Variants in CLASP2 observed in about 807,000 individuals in gnomAD.
CLASP2 encodes cytoplasmic linker associated protein 2.
A neutral mutation model predicts 194.4 loss-of-function variants in CLASP2; 47 were observed. The observed-to-expected ratio is 0.24, with a 90% CI of 0.19 to 0.31. CLASP2 has a LOEUF of 0.31. CLASP2 is among the 10% of genes least tolerant of loss of function. The pLI is 1.00. For synonymous variants in CLASP2, 619 were observed against 633.5 expected (o/e 0.98, Z 0.34); for missense variants, 1,445 against 1,823.6 (o/e 0.79, Z 3.78).
At chr3:33,629,625 G>A (rs2078692121) in intron 9 of CLASP2, among the ~76,000 whole-genome samples, 1 of 152,116 alleles carries the variant, frequency 6.6e-6, no homozygotes, top group South Asian at 2.1e-4. Context: ...ATATCAGATT[G>A]TTGAGGGTTC....
chr3:33,663,291 T>C (rs1347055302), intron 7 of CLASP2, among the ~76,000 whole-genome samples, 154 bp downstream of exon 7: 1 of 151,754 alleles, frequency 6.6e-6, no homozygotes, highest in Non-Finnish European at 1.5e-5. Context: ...GGATAGATAA[T>C]TATCAGCAGG....
chr3:33,563,447 C>T (rs1201151859), intron 27 of CLASP2, among the ~76,000 whole-genome samples: 1 of 152,152 alleles, frequency 6.6e-6, no homozygotes, highest in Non-Finnish European at 1.5e-5. Flanking sequence ...ACTAAAGGCA[C>T]CAAGCATTTC....
intron 34 of CLASP2, 49 bp downstream of exon 34, chr3:33,535,184 A>G (rs754032799): frequency 6.3e-5 from 82 of 1,303,892 alleles, no homozygotes; most frequent in Non-Finnish European, 8.2e-5. Context: ...TACTTCATCA[A>G]TTACCAAGTT....
intron 31 of CLASP2, among the ~76,000 whole-genome samples, chr3:33,544,152 A>T (rs1440206142): frequency 6.6e-6 from 1 of 152,120 alleles, no homozygotes; most frequent in Non-Finnish European, 1.5e-5. Flanking sequence ...ACCAGTAAAA[A>T]ATATATATAT....
At chr3:33,647,715 T>C (rs904826941) in intron 7 of CLASP2, among the ~76,000 whole-genome samples, 4 of 152,166 alleles carry the variant, frequency 2.6e-5, no homozygotes, top group African/African-American at 9.7e-5. Flanking sequence ...AGTTTGCCAA[T>C]CTCTGCTCTA....
chr3:33,667,636 G>A (rs1484326043), intron 6 of CLASP2, among the ~76,000 whole-genome samples: 1 of 152,054 alleles, frequency 6.6e-6, no homozygotes, highest in Non-Finnish European at 1.5e-5. Context: ...ACATTTGGTT[G>A]TATGATCCAT....
At chr3:33,584,279 T>C (rs1200556132) in intron 22 of CLASP2, among the ~76,000 whole-genome samples, 2 of 148,066 alleles carry the variant, frequency 1.4e-5, no homozygotes, top group African/African-American at 5.1e-5. Flanking sequence ...TGTTTTGTTT[T>C]GGGTTTTTTT....
intron 6 of CLASP2, among the ~76,000 whole-genome samples, chr3:33,680,668 A>C (rs2089664125): frequency 6.6e-6 from 1 of 152,024 alleles, no homozygotes; most frequent in Non-Finnish European, 1.5e-5. Context: ...AAAATTAGCC[A>C]GGTGTTGTGG....
intron 1 of CLASP2, among the ~76,000 whole-genome samples, chr3:33,701,356 T>C (rs1399065112): frequency 6.6e-6 from 1 of 152,248 alleles, no homozygotes; most frequent in Non-Finnish European, 1.5e-5. Flanking sequence ...ATGCCTGTAA[T>C]CCCAGCACTT....
At chr3:33,640,852 C>T (rs2081147918) in intron 8 of CLASP2, among the ~76,000 whole-genome samples, 2 of 152,090 alleles carry the variant, frequency 1.3e-5, no homozygotes, top group African/African-American at 4.8e-5. Flanking sequence ...TCTGCTTATT[C>T]CAAATGCTCT....
intron 7 of CLASP2, among the ~76,000 whole-genome samples, chr3:33,653,362 T>TA (rs1185521512): frequency 1.3e-5 from 2 of 151,868 alleles, no homozygotes; most frequent in African/African-American, 2.4e-5. Context: ...CACAACACAA[T>TA]AAAAAAATCT....
chr3:33,567,932 A>T (rs1428102279), intron 26 of CLASP2, among the ~76,000 whole-genome samples: 1 of 152,186 alleles, frequency 6.6e-6, no homozygotes, highest in African/African-American at 2.4e-5. Context: ...TGCTTCACTT[A>T]TAAAAAATAC....
chr3:33,704,706 T>C (rs946286629), intron 1 of CLASP2, among the ~76,000 whole-genome samples: 4 of 152,026 alleles, frequency 2.6e-5, no homozygotes, highest in African/African-American at 7.2e-5. Flanking sequence ...TGAGCCGAGA[T>C]TGCACCACTG....
intron 8 of CLASP2, among the ~76,000 whole-genome samples, chr3:33,632,926 T>C (rs1192749218): frequency 6.6e-6 from 1 of 152,204 alleles, no homozygotes; most frequent in African/African-American, 2.4e-5. Flanking sequence ...CTTCTATATA[T>C]ACACTGCTTT....
chr3:33,611,628 A>G (rs1449478607), intron 13 of CLASP2, among the ~76,000 whole-genome samples: 2 of 152,170 alleles, frequency 1.3e-5, no homozygotes, highest in Admixed American at 6.5e-5. Context: ...TGACATTATT[A>G]GCTCTACTAA....
chr3:33,531,116 T>C (rs1035683926), intron 34 of CLASP2, among the ~76,000 whole-genome samples: 4 of 152,186 alleles, frequency 2.6e-5, no homozygotes, highest in African/African-American at 9.6e-5. Flanking sequence ...AGCATTTTAA[T>C]GGCATAAAGA....
intron 11 of CLASP2, among the ~76,000 whole-genome samples, chr3:33,620,150 A>G (rs747418758): frequency 6.6e-6 from 1 of 152,216 alleles, no homozygotes; most frequent in Non-Finnish European, 1.5e-5. Flanking sequence ...CAAGTTCAAA[A>G]TCTTACTCAA....
intron 12 of CLASP2, among the ~76,000 whole-genome samples, chr3:33,618,027 C>T (rs1276658155): frequency 6.7e-6 from 1 of 149,952 alleles, no homozygotes; most frequent in Non-Finnish European, 1.5e-5. Context: ...CGGCTCACAA[C>T]AACCTCTGCC....
At chr3:33,698,108 G>A (rs988359450) in intron 1 of CLASP2, among the ~76,000 whole-genome samples, 1 of 152,156 alleles carries the variant, frequency 6.6e-6, no homozygotes, top group Non-Finnish European at 1.5e-5. Flanking sequence ...GTACAGTCCT[G>A]GGGGAAGGAA....
Sources: allele counts gnomAD v4.1 joint callset (sites outside exome capture counted in the v4.1 genomes callset), GRCh38; gene constraint gnomAD v4.1.1; transcripts MANE v1.5; gene names NCBI Gene and HGNC (gene_info 2026-07-23, HGNC 2026-07-21).